The following ERC1 variants were observed in gnomAD, a reference collection of about 807,000 sequenced individuals.
ERC1 encodes ELKS/RAB6-interacting/CAST family member 1.
ERC1 carries 56 observed loss-of-function variants against 132.0 expected under a neutral mutation model. The ratio of observed to expected loss-of-function variants is 0.42; its 90% CI spans 0.34 to 0.53. The LOEUF (loss-of-function observed/expected upper bound fraction) is 0.53, where lower values mean the gene tolerates loss of function less well. Among genes scored for constraint, ERC1 ranks in the 20% least tolerant of loss-of-function variants. The pLI, the probability that ERC1 is intolerant of heterozygous loss-of-function variation, is 0.03. For synonymous variants in ERC1, 478 were observed against 476.1 expected (o/e 1.00, Z -0.05); for missense variants, 1,202 against 1,349.9 (o/e 0.89, Z 1.72).
intron 13 of ERC1, among the ~76,000 whole-genome samples, chr12:1,256,171 A>T (rs1187401312): frequency 6.6e-6 from 1 of 151,706 alleles, no homozygotes; most frequent in African/African-American, 2.4e-5. Context: ...GATTGCAAAA[A>T]TTTTCTCCCA....
chr12:1,137,568 G>T (rs1593606590), intron 7 of ERC1, among the ~76,000 whole-genome samples: 2 of 152,128 alleles, frequency 1.3e-5, no homozygotes, highest in African/African-American at 4.8e-5. Flanking sequence ...GCAAAATAGG[G>T]GCCAGGAGCG....
intron 1 of ERC1, 62 bp from the exon 2 acceptor site, chr12:1,027,686 A>G: frequency 5.6e-6 from 3 of 537,002 alleles, no homozygotes; most frequent in Non-Finnish European, 9.9e-6. Flanking sequence ...GGGTAATGGA[A>G]AGTCTCTGAG....
At chr12:1,415,532 A>C (rs1380571531) in intron 17 of ERC1, among the ~76,000 whole-genome samples, 12 of 152,222 alleles carry the variant, frequency 7.9e-5, no homozygotes, top group Non-Finnish European at 2.9e-5. Flanking sequence ...TGGAGTTGTC[A>C]GTGTACTTAT....
intron 11 of ERC1, among the ~76,000 whole-genome samples, chr12:1,188,203 C>T (rs1458951736): frequency 1.3e-5 from 2 of 152,156 alleles, no homozygotes; most frequent in Non-Finnish European, 1.5e-5. Flanking sequence ...CACCTTCTTT[C>T]TTCGTAGATA....
At chr12:1,471,612 G>A (rs779893298) in intron 18 of ERC1, among the ~76,000 whole-genome samples, 7 of 150,472 alleles carry the variant, frequency 4.7e-5, no homozygotes, top group South Asian at 2.1e-4. Flanking sequence ...TTAGCAACAC[G>A]TGTTTCTTGG....
At chr12:1,454,524 C>G (rs1045060769) in intron 18 of ERC1, among the ~76,000 whole-genome samples, 1 of 152,164 alleles carries the variant, frequency 6.6e-6, no homozygotes, top group Non-Finnish European at 1.5e-5. Flanking sequence ...GACACTGTCT[C>G]CAGGTAACTA....
intron 16 of ERC1, among the ~76,000 whole-genome samples, chr12:1,390,096 T>A (rs2089815936): frequency 1.3e-5 from 2 of 152,204 alleles, no homozygotes; most frequent in African/African-American, 4.8e-5. Flanking sequence ...GGGTGGTAAA[T>A]TATACTTCAA....
At chr12:1,484,915 G>C (rs140385959) in intron 18 of ERC1, among the ~76,000 whole-genome samples, 3 of 150,656 alleles carry the variant, frequency 2.0e-5, no homozygotes, top group Non-Finnish European at 4.4e-5. Context: ...GGGTCTCGCT[G>C]TGTTGCGCAG....
At chr12:1,255,833 G>C (rs1166645090) in intron 13 of ERC1, among the ~76,000 whole-genome samples, 2 of 151,170 alleles carry the variant, frequency 1.3e-5, no homozygotes, top group African/African-American at 2.4e-5. Context: ...TAGAGACGGG[G>C]TTTCACCATG....
intron 15 of ERC1, among the ~76,000 whole-genome samples, chr12:1,362,446 C>T (rs1411526718): frequency 1.3e-5 from 2 of 151,128 alleles, no homozygotes; most frequent in Non-Finnish European, 2.9e-5. Context: ...CTCTCTCTCT[C>T]TGTCTCTCTC....
At chr12:1,193,725 C>A (rs1279795352) in intron 12 of ERC1, among the ~76,000 whole-genome samples, 1 of 152,172 alleles carries the variant, frequency 6.6e-6, no homozygotes, top group Non-Finnish European at 1.5e-5. Flanking sequence ...AATTCCTTTT[C>A]TCTCCTGGGA....
chr12:1,146,559 T>A (rs914907982), intron 8 of ERC1, among the ~76,000 whole-genome samples: 1 of 151,938 alleles, frequency 6.6e-6, no homozygotes, highest in South Asian at 2.1e-4. Flanking sequence ...CTGATTTGGA[T>A]GTCCGTGATT....
chr12:1,482,841 T>C (rs1447199962), intron 18 of ERC1, among the ~76,000 whole-genome samples: 1 of 152,180 alleles, frequency 6.6e-6, no homozygotes, highest in East Asian at 1.9e-4. Flanking sequence ...TTCTCAGAGT[T>C]GTGCAGCCAT....
At chr12:997,631 A>C (rs1477628583) in intron 1 of ERC1, among the ~76,000 whole-genome samples, 1 of 152,206 alleles carries the variant, frequency 6.6e-6, no homozygotes, top group Non-Finnish European at 1.5e-5. Context: ...GGGGATGTCC[A>C]GGTGGTCATT....
At chr12:1,189,029 A>T (rs1007565263) in intron 11 of ERC1, among the ~76,000 whole-genome samples, 28 of 152,074 alleles carry the variant, frequency 1.8e-4, no homozygotes, top group African/African-American at 5.1e-4. Context: ...CTGAATAAAA[A>T]TTTTTTTCTC....
intron 12 of ERC1, among the ~76,000 whole-genome samples, chr12:1,224,028 TTC>T (rs1285758540): frequency 6.6e-6 from 1 of 152,170 alleles, no homozygotes; most frequent in African/African-American, 2.4e-5. Flanking sequence ...ATTTCACAAG[TTC>T]TGTTATGTCT....
intron 15 of ERC1, among the ~76,000 whole-genome samples, chr12:1,357,612 G>A (rs1286902619): frequency 6.6e-6 from 1 of 152,090 alleles, no homozygotes; most frequent in African/African-American, 2.4e-5. Flanking sequence ...TATAACAACA[G>A]GTGTACCTTA....
chr12:1,206,390 G>A (rs75177212), intron 12 of ERC1, among the ~76,000 whole-genome samples: 3,410 of 152,130 alleles, frequency 0.022, 55 homozygotes, highest in East Asian at 0.073. Context: ...TGTGTTAATA[G>A]TGATGCTTAG....
intron 14 of ERC1, among the ~76,000 whole-genome samples, chr12:1,265,764 C>G (rs542098788): frequency 6.6e-6 from 1 of 152,296 alleles, no homozygotes; most frequent in African/African-American, 2.4e-5. Context: ...TTTACTGCCT[C>G]TGTAGTTTTG....
Sources: gnomAD v4.1 joint callset for allele counts (sites outside exome capture counted in the v4.1 genomes callset) on GRCh38, gnomAD v4.1.1 for gene constraint, MANE v1.5 for transcripts, NCBI Gene and HGNC (gene_info 2026-07-23, HGNC 2026-07-21) for gene names.